The following USP34 variants were observed in gnomAD, a reference collection of about 807,000 sequenced individuals.
USP34 encodes the protein ubiquitin carboxyl-terminal hydrolase 34.
A neutral mutation model predicts 460.3 loss-of-function variants in USP34; 70 were observed. That is an observed-to-expected ratio of 0.15 (90% CI 0.13 to 0.19). USP34 has a LOEUF of 0.19. Among genes scored for constraint, USP34 ranks in the 10% least tolerant of loss-of-function variants. The pLI, the probability that USP34 is intolerant of heterozygous loss-of-function variation, is 1.00. For synonymous variants in USP34, 1,647 were observed against 1,405.3 expected, an observed-to-expected ratio of 1.17 and a Z score of -3.85; for missense variants, 3,985 against 4,236.2, an observed-to-expected ratio of 0.94 and a Z score of 1.65.
At chr2:61,382,699 A>G (rs375227748) in intron 6 of USP34, among the ~76,000 whole-genome samples, 3 of 152,222 alleles carry the variant, frequency 2.0e-5, no homozygotes, top group African/African-American at 7.2e-5. Context: ...CTTTAATTCT[A>G]ATCAGTACAA....
At chr2:61,245,022 A>C (rs1688382866) in intron 51 of USP34, among the ~76,000 whole-genome samples, 188 bp downstream of exon 51, 1 of 152,188 alleles carries the variant, frequency 6.6e-6, no homozygotes, top group Non-Finnish European at 1.5e-5. Context: ...GCTGTTGTGG[A>C]AAGCAGAAAT....
At chr2:61,296,634 A>C (rs565202388) in intron 30 of USP34, among the ~76,000 whole-genome samples, 166 bp downstream of exon 30, 32 of 152,366 alleles carry the variant, frequency 2.1e-4, no homozygotes, top group South Asian at 2.1e-3. Context: ...CCCTCACTAA[A>C]TAAACAAATG....
At chr2:61,293,627 G>A in intron 32 of USP34, 77 bp from the exon 33 acceptor site, 1 of 1,030,528 alleles carries the variant, frequency 9.7e-7, no homozygotes, top group Non-Finnish European at 1.5e-6. Flanking sequence ...TCAGTAACTG[G>A]ATATGTAAAA....
At chr2:61,205,925 T>G (rs530230692) in intron 72 of USP34, 92 bp downstream of exon 72, 1 of 965,744 alleles carries the variant, frequency 1.0e-6, no homozygotes, top group Non-Finnish European at 1.6e-6. Flanking sequence ...CACAAGTATC[T>G]TTCAAACACT....
At chr2:61,406,760 G>A (rs910579631) in intron 2 of USP34, among the ~76,000 whole-genome samples, 1 of 150,600 alleles carries the variant, frequency 6.6e-6, no homozygotes. Context: ...ATCCCAGCAC[G>A]TTGGGAGGCT....
chr2:61,456,777 A>ACC (rs1409366767), intron 1 of USP34, among the ~76,000 whole-genome samples: 1 of 152,052 alleles, frequency 6.6e-6, no homozygotes, highest in Non-Finnish European at 1.5e-5. Flanking sequence ...ACACAGTGGG[A>ACC]CCCCATCTCA....
chr2:61,265,698 A>G (rs967512328), intron 42 of USP34, 141 bp from the exon 43 acceptor site: 95 of 785,752 alleles, frequency 1.2e-4, no homozygotes, highest in Non-Finnish European at 1.5e-4. Flanking sequence ...TTTAAATAAA[A>G]AAAAATACAG....
rs536040919 is a variant in USP34 at position 61,221,432 on chromosome 2, G to C, written c.7899+70C>G. The C allele has an allele frequency of 2.6e-5, 36 of 1,359,586 alleles. No individual in the cohort carries two copies. The African/African-American group carries it at 5.1e-4, about 19-fold the overall frequency. 84.2% of individuals were successfully genotyped at this position (1,359,586 alleles called of 1,614,324 possible). On this transcript the variant is annotated intron_variant, in intron 66 of 79. Transcript: ENST00000398571. ...TAATAAGAAACTGGTACTTAAAATG[G>C]TAGTGACTATATTATAAAAATAAAA...
chr2:61,206,017 C>T lies in USP34; in HGVS notation c.9154G>A (p.Asp3052Asn), dbSNP rs1013518956. 2 of 1,608,658 alleles carry T rather than the reference C, an allele frequency of 1.2e-6. No homozygotes were observed. Among genetic ancestry groups the T allele is most frequent in the Non-Finnish European group, 1.7e-6 (2 of 1,175,984 alleles). ...CGGGTGAATTTTTCAAGTAACTTAC[C>T]TATACAGGCATTTCTAAGTTCTGGA... ...SPPELRNACIDVLKELVLLSP... is the reference protein window; with the variant it reads ...SPPELRNACINVLKELVLLSP... Residue 3052 changes from aspartate (D) to asparagine (N), a missense_variant and splice_region_variant, in exon 72 of 80, where the codon GAT (aspartate) becomes AAT (asparagine). This residue lies in a region of USP34 where 275 missense variants were observed against 292.7 expected (regional missense o/e 0.94). Transcript: ENST00000398571.
intron 10 of USP34, among the ~76,000 whole-genome samples, chr2:61,364,575 A>G (rs762681803): frequency 7.2e-5 from 11 of 152,240 alleles, no homozygotes; most frequent in Non-Finnish European, 8.8e-5. Flanking sequence ...TATGTTATAC[A>G]TATTTTACGA....
chr2:61,450,254 A>G (rs1695233474), intron 1 of USP34, among the ~76,000 whole-genome samples: 2 of 152,162 alleles, frequency 1.3e-5, no homozygotes, highest in South Asian at 4.1e-4. Context: ...AAGAATGCAT[A>G]TTGGTTGTTG....
chr2:61,188,742 C>A lies in USP34; in HGVS notation c.10034-33G>T. The A allele has an allele frequency of 1.9e-6, 3 of 1,599,130 alleles. No individual in the cohort carries two copies. In the South Asian group the frequency reaches 3.4e-5, roughly 18 times the overall value. On this transcript the variant is annotated intron_variant, in intron 79 of 79. Transcript: ENST00000398571. ...AACACATGCCAAAAGGGAAACTTCT[C>A]TGAAAGTCATTAAGATCACGTTAGG...
chr2:61,190,553 T>G lies in USP34; in HGVS notation c.9694A>C (p.Ile3232Leu). 6.2e-7 allele frequency: 1 copy of G among 1,614,038 alleles called. No individual in the cohort carries two copies. Among genetic ancestry groups the G allele is most frequent in the Non-Finnish European group, 8.5e-7 (1 of 1,179,964 alleles). The part of the protein sequence containing the change: ...MDERTFLNNN[I>L]VYTFMTHFLL... ...AAATGTGTCATGAACGTGTAGACAA[T>G]GTTGTTGTTTAAAAAAGTTCTTTCA... is the stretch of plus-strand genomic sequence containing the variant. Residue 3232 changes from isoleucine (I) to leucine (L), a missense_variant, in exon 77 of 80, where the codon ATT (isoleucine) becomes CTT (leucine). This residue lies in a region of USP34 where 506 missense variants were observed against 439.0 expected (regional missense o/e 1.15). Transcript: ENST00000398571.
chr2:61,266,022 C>G lies in USP34; in HGVS notation c.5579G>C (p.Arg1860Thr). 4 of 1,613,468 alleles carry G rather than the reference C, an allele frequency of 2.5e-6. No homozygotes were observed. Among genetic ancestry groups the G allele is most frequent in the Non-Finnish European group, 3.4e-6 (4 of 1,179,544 alleles). The change falls in exon 42 of 80, where the codon AGG (arginine) becomes ACG (threonine). Residue 1860 changes from arginine (R) to threonine (T), a missense_variant. By Grantham distance (71) the Arg-to-Thr change is moderately conservative. Around this residue, in one of 14 missense-constraint regions of USP34, gnomAD observed 1,114 missense variants for 1,122.5 expected, o/e 0.99. Transcript: ENST00000398571. ...EMVKGSVENYRLIHNWVMAQH... is the reference protein window; with the variant it reads ...EMVKGSVENYTLIHNWVMAQH... The stretch of plus-strand genomic sequence containing the variant: ...TGCCATAACCCAGTTGTGTATTAGC[C>G]TGTAGTTCTCAACAGACCCCTTTAC...
chr2:61,301,204 G>T, intron 28 of USP34, 44 bp from the exon 29 acceptor site: 1 of 1,558,850 alleles, frequency 6.4e-7, no homozygotes, highest in Non-Finnish European at 8.7e-7. Flanking sequence ...CAAGCTTTTA[G>T]TTTAATAAAA....
intron 41 of USP34, among the ~76,000 whole-genome samples, chr2:61,274,762 T>C (rs1331364484): frequency 6.6e-6 from 1 of 152,212 alleles, no homozygotes; most frequent in Non-Finnish European, 1.5e-5. Flanking sequence ...CAGCCATAAA[T>C]TGGCTCAGCT....
At chr2:61,417,265 G>C in intron 2 of USP34, 5 of 1,083,552 alleles carry the variant, frequency 4.6e-6, no homozygotes, top group Non-Finnish European at 7.0e-6. Context: ...AGGTCCCTTA[G>C]AGCAACCTAT....
At chr2:61,465,981 A>T (rs1695750617) in intron 1 of USP34, among the ~76,000 whole-genome samples, 1 of 152,084 alleles carries the variant, frequency 6.6e-6, no homozygotes, top group Non-Finnish European at 1.5e-5. Context: ...TGTCTCAAAA[A>T]AAAATAAAAT....
intron 25 of USP34, among the ~76,000 whole-genome samples, chr2:61,312,374 A>G (rs1392277816): frequency 6.6e-6 from 1 of 152,154 alleles, no homozygotes; most frequent in Non-Finnish European, 1.5e-5. Flanking sequence ...GAGTCAATTC[A>G]TGGCTGTTAA....
Sources: gnomAD v4.1 joint callset for allele counts (sites outside exome capture counted in the v4.1 genomes callset) on GRCh38, gnomAD v4.1.1 for gene constraint, gnomAD v4.1.1 regional missense constraint, MANE v1.5 for transcripts, NCBI Gene and HGNC (gene_info 2026-07-23, HGNC 2026-07-21) for gene names.